Variants in PACS1 observed in about 807,000 individuals in gnomAD.
The protein encoded by PACS1 is PACS-1.
A neutral mutation model predicts 115.0 loss-of-function variants in PACS1; 24 were observed. The observed-to-expected ratio is 0.21, with a 90% CI of 0.15 to 0.29. The LOEUF is 0.29. PACS1 is among the 10% of genes least tolerant of loss of function. The pLI, the probability that PACS1 is intolerant of heterozygous loss-of-function variation, is 1.00. For synonymous variants in PACS1, 453 were observed against 504.5 expected (o/e 0.90, Z 1.37); for missense variants, 838 against 1,251.2 (o/e 0.67, Z 4.98).
Position 66,235,681 on chromosome 11 carries a change from C to T in PACS1, c.2208-217C>T, listed in dbSNP as rs994642747. Among the ~76,000 whole-genome samples the T allele has an allele frequency of 3.9e-5, 6 of 152,150 alleles. No homozygotes were observed. Among genetic ancestry groups the T allele is most frequent in the African/African-American group, 1.4e-4 (6 of 41,414 alleles). On this transcript the variant is annotated intron_variant, in intron 18 of 23. Coordinates refer to ENST00000320580, the MANE Select transcript of PACS1 (RefSeq NM_018026.4). The surrounding 1 kb of genome is among the most constrained non-coding windows in gnomAD (Gnocchi z 5.6). ...GAACTCAGACGTGGGAAGCAGGGAG[C>T]GTAGCTTGCATGATCAGGTCATTTG...
intron 13 of PACS1, 116 bp from the exon 14 acceptor site, chr11:66,232,056 T>TA (rs1855607331): frequency 3.1e-6 from 2 of 653,782 alleles, no homozygotes. Flanking sequence ...AAAGTCCTGA[T>TA]ATCTGTTCTC....
intron 1 of PACS1, among the ~76,000 whole-genome samples, chr11:66,157,529 G>C (rs1472424152): frequency 6.6e-6 from 1 of 152,136 alleles, no homozygotes; most frequent in Non-Finnish European, 1.5e-5. Flanking sequence ...GGAAGAGTTA[G>C]CACCCCAGAT....
intron 1 of PACS1, among the ~76,000 whole-genome samples, chr11:66,149,679 C>CGTGT (rs57522847): frequency 2.5e-5 from 3 of 118,422 alleles, no homozygotes; most frequent in African/African-American, 8.4e-5. Context: ...ATCTTGTGTT[C>CGTGT]GTGTGTGTGT....
At chr11:66,074,881 A>G (rs139445165) in intron 1 of PACS1, among the ~76,000 whole-genome samples, 54 of 151,952 alleles carry the variant, frequency 3.6e-4, no homozygotes, top group African/African-American at 1.1e-3. Flanking sequence ...CTATCTTCTT[A>G]CTATATACTA....
Position 66,243,398 on chromosome 11 carries a change from C to T in PACS1, c.*118C>T. On this transcript the variant is annotated 3_prime_UTR_variant, in exon 24 of 24. Coordinates refer to ENST00000320580, the MANE Select transcript of PACS1 (RefSeq NM_018026.4). ...CCTTCCCTGGCACCAGGGTCTGCCTCTCACTCGCCCAGGTCCCGAAGGACA... is the reference window on the plus strand; with the variant it reads ...CCTTCCCTGGCACCAGGGTCTGCCTTTCACTCGCCCAGGTCCCGAAGGACA... 2.9e-6 allele frequency: 2 copies of T among 691,946 alleles called. No individual in the cohort carries two copies. Among genetic ancestry groups the T allele is most frequent in the Non-Finnish European group, 5.0e-6 (2 of 402,326 alleles). The allele number at this position is 691,946 out of a possible 1,614,324, so 42.9% of individuals were successfully genotyped here. A position where few individuals can be genotyped will look rare whatever the true frequency, so the allele number is the denominator to read the frequency against.
At chr11:66,087,904 T>G (rs546458886) in intron 1 of PACS1, among the ~76,000 whole-genome samples, 13 of 150,068 alleles carry the variant, frequency 8.7e-5, no homozygotes, top group South Asian at 4.2e-4. Flanking sequence ...TGTTTTTTGG[T>G]TTTTTTTTGC....
chr11:66,082,187 G>A (rs1857492300), intron 1 of PACS1, among the ~76,000 whole-genome samples: 1 of 152,116 alleles, frequency 6.6e-6, no homozygotes, highest in South Asian at 2.1e-4. Flanking sequence ...GTGTAGACTG[G>A]TACATGGGGC....
chr11:66,201,293 A>G (rs1854789315), intron 2 of PACS1, among the ~76,000 whole-genome samples: 1 of 152,218 alleles, frequency 6.6e-6, no homozygotes, highest in Non-Finnish European at 1.5e-5. Flanking sequence ...ATCAATAGCA[A>G]GGAATTTTGA....
chr11:66,191,712 TAGTC>T (rs373158195), intron 1 of PACS1, among the ~76,000 whole-genome samples: 80 of 152,332 alleles, frequency 5.3e-4, no homozygotes, highest in African/African-American at 1.6e-3. Context: ...TTCTTTGTGT[TAGTC>T]AGCAGATCTT....
Position 66,096,114 on chromosome 11 carries a change from A to G in PACS1, c.356+25272A>G, listed in dbSNP as rs559781083. On this transcript the variant is annotated intron_variant, in intron 1 of 23. Transcript: ENST00000320580. ...CATGCTCAGCTAATTTTTTTATTTT[A>G]GTAGAGACGGGGTTTTGCCAATTGC... Among the ~76,000 whole-genome samples, 8 of 150,392 alleles carry G rather than the reference A, an allele frequency of 5.3e-5. No individual in the cohort carries two copies. In the South Asian group the frequency reaches 1.7e-3, roughly 32 times the overall value.
rs552238491 is a variant in PACS1, at chr11:66,232,320, G to T, written c.1731+44G>T. ...AGGCCATGTGGGGTCCTGGAGGGCA[G>T]GCAATGCCCGGTTGCATTGTCAGTG... On this transcript the variant is annotated intron_variant, in intron 14 of 23. Transcript: ENST00000320580. 2.6e-5 allele frequency: 29 copies of T among 1,117,596 alleles called. No homozygotes were observed. In the South Asian group the frequency reaches 3.4e-4, roughly 13 times the overall value. 69.2% of individuals were successfully genotyped at this position (1,117,596 alleles called of 1,614,324 possible).
In PACS1 at chr11:66,157,429, G is replaced by T. The variant is rs369878970; in HGVS notation, c.357-36057G>T. Among the ~76,000 whole-genome samples the T allele has an allele frequency of 3.3e-4, 50 of 150,534 alleles. 1 individual carries two copies. The South Asian group carries it at 9.5e-3, about 29-fold the overall frequency. ...GCAATCCTGTTTTCAGCCACATGTG[G>T]GCCATGTTCTGAGATAAGTTTTAGG... is the stretch of plus-strand genomic sequence containing the variant. On this transcript the variant is annotated intron_variant, in intron 1 of 23. Coordinates refer to ENST00000320580, the MANE Select transcript of PACS1 (RefSeq NM_018026.4).
chr11:66,162,114 T>G (rs1421358595), intron 1 of PACS1, among the ~76,000 whole-genome samples: 1 of 20,596 alleles, frequency 4.9e-5, no homozygotes, highest in Non-Finnish European at 1.2e-4. Flanking sequence ...TGGTGGTGGT[T>G]TTTTTTTTTT....
chr11:66,151,513 A>T (rs1859238784), intron 1 of PACS1, among the ~76,000 whole-genome samples: 1 of 152,186 alleles, frequency 6.6e-6, no homozygotes, highest in African/African-American at 2.4e-5. Flanking sequence ...GCTAGGCTAG[A>T]CGTTGTAAGA....
intron 10 of PACS1, among the ~76,000 whole-genome samples, chr11:66,222,747 G>A (rs1226170419): frequency 6.6e-6 from 1 of 152,150 alleles, no homozygotes; most frequent in African/African-American, 2.4e-5. Flanking sequence ...AAACAGGAGA[G>A]GCCTCTACCG....
chr11:66,188,159 A>ATT (rs71461607), intron 1 of PACS1, among the ~76,000 whole-genome samples: 48 of 94,872 alleles, frequency 5.1e-4, no homozygotes, highest in Admixed American at 9.3e-4. Flanking sequence ...TTTTAATCGG[A>ATT]TTTTTTTTTT....
intron 10 of PACS1, among the ~76,000 whole-genome samples, chr11:66,224,544 C>G (rs1282926546): frequency 6.6e-6 from 1 of 152,178 alleles, no homozygotes; most frequent in Non-Finnish European, 1.5e-5. Flanking sequence ...TCCTTAGTGC[C>G]ATTTCAGTTG....
At chr11:66,195,874 T>A (rs1012149850) in intron 2 of PACS1, among the ~76,000 whole-genome samples, 2 of 152,234 alleles carry the variant, frequency 1.3e-5, no homozygotes, top group African/African-American at 2.4e-5. Context: ...CTGAGGTCTC[T>A]AAGACACTTC....
Position 66,233,673 on chromosome 11 carries a change from G to A in PACS1, c.1839-112G>A. 9.8e-7 allele frequency: 1 copy of A among 1,018,334 alleles called. No individual in the cohort carries two copies. Among genetic ancestry groups the A allele is most frequent in the Non-Finnish European group, 1.4e-6 (1 of 695,412 alleles). The allele number at this position is 1,018,334 out of a possible 1,614,324, so 63.1% of individuals were successfully genotyped here. Reference sequence around the variant, plus strand: ...CCTCTCTGTTTTATTTTGTGGATTGGTTTGCTTTTCCCCTGTGGGTTGTTG... The same window carrying A: ...CCTCTCTGTTTTATTTTGTGGATTGATTTGCTTTTCCCCTGTGGGTTGTTG... On this transcript the variant is annotated intron_variant, in intron 15 of 23. Transcript: ENST00000320580. This position sits in a 1 kb window ranked among gnomAD's most constrained non-coding sequence, Gnocchi z 4.5.
Sources: gnomAD v4.1 joint callset for allele counts (sites outside exome capture counted in the v4.1 genomes callset) on GRCh38, gnomAD v4.1.1 for gene constraint, Gnocchi (gnomAD v3.1) non-coding constraint, MANE v1.5 for transcripts, NCBI Gene and HGNC (gene_info 2026-07-23, HGNC 2026-07-21) for gene names.